PCDHGB3: variants seen among roughly 807,000 people sequenced by gnomAD.
PCDHGB3 encodes the protein protocadherin gamma-B3.
PCDHGB3 carries 40 observed loss-of-function variants against 59.2 expected under a neutral mutation model. The ratio of observed to expected loss-of-function variants is 0.68; its 90% confidence interval spans 0.52 to 0.88. The LOEUF (loss-of-function observed/expected upper bound fraction) is 0.88. PCDHGB3 is among the 40% of genes least tolerant of loss of function. The pLI is 0.00. For missense variants in PCDHGB3, 1,309 were observed against 1,187.9 expected, an observed-to-expected ratio of 1.10 and a Z score of -1.50; for synonymous variants, 581 against 503.6, an observed-to-expected ratio of 1.15 and a Z score of -2.06.
At chr5:141,415,895 G>A in intron 1 of PCDHGB3, 1 of 898,210 alleles carries the variant, frequency 1.1e-6, no homozygotes, top group Non-Finnish European at 1.5e-6. Flanking sequence ...CAATTCCTAA[G>A]ACAGACTTCC....
chr5:141,389,284 C>A, intron 1 of PCDHGB3: 1 of 1,614,048 alleles, frequency 6.2e-7, no homozygotes, highest in Non-Finnish European at 8.5e-7. Flanking sequence ...CCGCCTGGAG[C>A]CTCTATTTCA....
Position 141,408,360 on chromosome 5 carries a change from A to G in PCDHGB3, c.2415+35551A>G, listed in dbSNP as rs373951875. 2.4e-5 allele frequency: 38 copies of G among 1,613,808 alleles called. No homozygotes were observed. In the African/African-American group the frequency reaches 3.7e-4, roughly 16 times the overall value. ...TCGGTGGTGGGGAACCTCGCTAAGG[A>G]TCTAGGGCTCAGTGTCCTGGATGTG... On this transcript the variant is annotated intron_variant, in intron 1 of 3. Coordinates refer to ENST00000576222, the MANE Select transcript of PCDHGB3 (RefSeq NM_018924.5).
In PCDHGB3 at chr5:141,432,487, G is replaced by A; in HGVS notation, c.2415+59678G>A. On this transcript the variant is annotated intron_variant, in intron 1 of 3. Coordinates refer to ENST00000576222, the MANE Select transcript of PCDHGB3 (RefSeq NM_018924.5). This position sits in a 1 kb window ranked among gnomAD's most constrained non-coding sequence, Gnocchi z 6.0. ...CCACGGACGGTTCCACTGGCGTGGA[G>A]CTGGCTCCCCGCTCCGCAGAGCCCG... 1.2e-6 allele frequency: 2 copies of A among 1,614,208 alleles called. No homozygotes were observed. The highest frequency in any genetic ancestry group is 2.2e-5 in the East Asian group (1 of 44,874).
chr5:141,467,602 A>G (rs981250164), intron 1 of PCDHGB3, among the ~76,000 whole-genome samples: 3 of 152,216 alleles, frequency 2.0e-5, no homozygotes, highest in Non-Finnish European at 4.4e-5. Flanking sequence ...TAAGCACTTC[A>G]TCTTTGTCCC....
chr5:141,427,971 C>T (rs764145525), intron 1 of PCDHGB3: 1 of 1,593,512 alleles, frequency 6.3e-7, no homozygotes, highest in African/African-American at 1.3e-5. Flanking sequence ...GGTGCTGTAC[C>T]CCGCGCTGGG....
At chr5:141,384,070 C>A (rs762136393) in intron 1 of PCDHGB3, 2 of 1,603,864 alleles carry the variant, frequency 1.2e-6, no homozygotes, top group Admixed American at 3.4e-5. Context: ...AGAAAACCTA[C>A]CTTTTAAATT....
Position 141,511,186 on chromosome 5 carries a change from G to A in PCDHGB3, c.*13G>A. 1 of 1,613,906 alleles carries A rather than the reference G, an allele frequency of 6.2e-7. No individual in the cohort carries two copies. The highest frequency in any genetic ancestry group is 8.5e-7 in the Non-Finnish European group (1 of 1,179,890). ...GGAGAAGAAGTAACATGGAGGCCAG[G>A]CCAAGAGCCACAGGGCGGCCTCTCC... On this transcript the variant is annotated 3_prime_UTR_variant, in exon 4 of 4. Transcript: ENST00000576222.
intron 1 of PCDHGB3, chr5:141,408,114 C>G: frequency 6.8e-7 from 1 of 1,461,086 alleles, no homozygotes; most frequent in East Asian, 2.5e-5. Flanking sequence ...CGGGACTCCT[C>G]CTGTCCTGGG....
At chr5:141,394,913 C>G (rs1284631853) in intron 1 of PCDHGB3, 2 of 1,613,780 alleles carry the variant, frequency 1.2e-6, no homozygotes, top group South Asian at 2.2e-5. Flanking sequence ...TGGCTGCCAT[C>G]TCCTGTGTCT....
intron 1 of PCDHGB3, among the ~76,000 whole-genome samples, chr5:141,433,449 T>C (rs2097611087): frequency 6.6e-6 from 1 of 152,068 alleles, no homozygotes; most frequent in Non-Finnish European, 1.5e-5. Context: ...TTGAGCAGGC[T>C]GATCTGAAAC....
chr5:141,420,246 T>C (rs1216078492), intron 1 of PCDHGB3: 3 of 1,583,234 alleles, frequency 1.9e-6, no homozygotes, highest in African/African-American at 2.7e-5. Context: ...ACTCCCAGCG[T>C]TGAAGCAGAT....
At chr5:141,422,424 T>G (rs1182660567) in intron 1 of PCDHGB3, 3 of 1,607,958 alleles carry the variant, frequency 1.9e-6, no homozygotes, top group Non-Finnish European at 2.5e-6. Flanking sequence ...AAAAGACTTA[T>G]GGAAATTATT....
At chr5:141,427,088 T>C in intron 1 of PCDHGB3, 1 of 458,156 alleles carries the variant, frequency 2.2e-6, no homozygotes. Flanking sequence ...CTGACCAGGA[T>C]GAGGGTGTCA....
Position 141,370,920 on chromosome 5 carries a change from C to G in PCDHGB3, c.526C>G (p.Pro176Ala). The change falls in exon 1 of 4, where the codon CCG becomes GCG. Residue 176 changes from proline (P) to alanine (A), a missense_variant. Transcript: ENST00000576222. ...GCAGCAGTACTACCTCAGCCCTGAT[C>G]CGCACTTCTCTTTGATTCAGAAGGA... is the stretch of plus-strand genomic sequence containing the variant. ...SLQQYYLSPD[P>A]HFSLIQKENL... 4 of 1,613,994 alleles carry G rather than the reference C, an allele frequency of 2.5e-6. No homozygotes were observed. Among genetic ancestry groups the G allele is most frequent in the South Asian group, 1.1e-5 (1 of 91,082 alleles).
chr5:141,422,431 T>G, intron 1 of PCDHGB3: 1 of 1,608,846 alleles, frequency 6.2e-7, no homozygotes, highest in Non-Finnish European at 8.5e-7. Flanking sequence ...TTATGGAAAT[T>G]ATTACAAATT....
chr5:141,389,894 G>A (rs754241365), intron 1 of PCDHGB3: 56 of 1,613,970 alleles, frequency 3.5e-5, no homozygotes, highest in Non-Finnish European at 4.7e-5. Flanking sequence ...AGGAGGTGCT[G>A]CCGGATATCA....
intron 1 of PCDHGB3, chr5:141,399,144 T>G: frequency 6.2e-7 from 1 of 1,613,728 alleles, no homozygotes. Flanking sequence ...AAAATGACAA[T>G]AGCCCAGAAG....
Position 141,489,471 on chromosome 5 carries a change from G to A in PCDHGB3, c.2416-5336G>A. ...AGGAGAATGGGCGCTATTTTTCCCT[G>A]AGCTTGATGAGTGGTGCCCTGGCAG... On this transcript the variant is annotated intron_variant, in intron 1 of 3. Transcript: ENST00000576222. This position sits in a 1 kb window ranked among gnomAD's most constrained non-coding sequence, Gnocchi z 4.5. 1 of 1,614,074 alleles carries A rather than the reference G, an allele frequency of 6.2e-7. No homozygotes were observed. The highest frequency in any genetic ancestry group is 8.5e-7 in the Non-Finnish European group (1 of 1,180,026).
intron 2 of PCDHGB3, among the ~76,000 whole-genome samples, chr5:141,499,149 A>G (rs1215155217): frequency 6.6e-6 from 1 of 152,084 alleles, no homozygotes; most frequent in African/African-American, 2.4e-5. Context: ...TCTGATCCCA[A>G]TAGCTGTTGT....
Sources: allele counts gnomAD v4.1 joint callset (sites outside exome capture counted in the v4.1 genomes callset), GRCh38; gene constraint gnomAD v4.1.1; non-coding constraint Gnocchi (gnomAD v3.1); transcripts MANE v1.5; gene names NCBI Gene and HGNC (gene_info 2026-07-23, HGNC 2026-07-21).